The following SHTN1 variants were observed in gnomAD, a reference collection of about 807,000 sequenced individuals.
SHTN1 encodes the protein shootin-1.
In SHTN1, 42 loss-of-function variants were observed where a neutral mutation model predicts 83.1. The observed-to-expected ratio is 0.51, with a 90% CI of 0.39 to 0.65. The LOEUF is 0.65. Among genes scored for constraint, SHTN1 ranks in the 30% least tolerant of loss-of-function variants. The pLI is 0.00. For missense variants in SHTN1, 622 were observed against 737.8 expected (o/e 0.84, Z 1.82); for synonymous variants, 224 against 247.7 (o/e 0.90, Z 0.90).
intron 2 of SHTN1, among the ~76,000 whole-genome samples, chr10:117,048,214 C>T (rs1285477382): frequency 1.3e-5 from 2 of 152,094 alleles, no homozygotes; most frequent in Non-Finnish European, 2.9e-5. Flanking sequence ...GCTCTGTGTG[C>T]TGAGGTAATG....
chr10:116,899,992 G>A (rs1377398968), intron 16 of SHTN1, among the ~76,000 whole-genome samples: 1 of 152,124 alleles, frequency 6.6e-6, no homozygotes, highest in East Asian at 1.9e-4. Flanking sequence ...TCATTAAAAG[G>A]TTTAAACATT....
intron 12 of SHTN1, among the ~76,000 whole-genome samples, chr10:116,919,687 T>A (rs1476883471): frequency 6.6e-6 from 1 of 152,098 alleles, no homozygotes; most frequent in African/African-American, 2.4e-5. Context: ...AATTACAGCA[T>A]CAGGAAACGC....
chr10:117,083,017 A>T (rs1422221805), intron 1 of SHTN1, among the ~76,000 whole-genome samples: 1 of 149,526 alleles, frequency 6.7e-6, no homozygotes, highest in Non-Finnish European at 1.5e-5. Flanking sequence ...TTTTAATTGG[A>T]GCATTTAGTC....
intron 1 of SHTN1, among the ~76,000 whole-genome samples, chr10:117,055,779 G>A (rs1852818588): frequency 6.6e-6 from 1 of 152,156 alleles, no homozygotes; most frequent in Non-Finnish European, 1.5e-5. Flanking sequence ...GACGCAGGAG[G>A]ATCACTTCAA....
At chr10:117,087,358 C>G (rs149986460) in intron 1 of SHTN1, among the ~76,000 whole-genome samples, 2 of 152,258 alleles carry the variant, frequency 1.3e-5, no homozygotes, top group African/African-American at 4.8e-5. Context: ...ATTTCACACA[C>G]AGAAAATGTT....
intron 6 of SHTN1, among the ~76,000 whole-genome samples, chr10:116,951,458 G>T (rs1212553460): frequency 6.6e-6 from 1 of 152,092 alleles, no homozygotes; most frequent in Admixed American, 6.6e-5. Context: ...GAAAGATTCT[G>T]TAAACAACCA....
At chr10:117,027,193 A>AGG (rs35276948) in intron 2 of SHTN1, among the ~76,000 whole-genome samples, 3 of 152,064 alleles carry the variant, frequency 2.0e-5, no homozygotes, top group Non-Finnish European at 2.9e-5. Context: ...CCAACATTGG[A>AGG]GGGGGGGCCT....
chr10:116,906,408 T>C (rs1847974046), intron 15 of SHTN1, among the ~76,000 whole-genome samples: 1 of 152,238 alleles, frequency 6.6e-6, no homozygotes, highest in South Asian at 2.1e-4. Context: ...TATAAATGCC[T>C]GGTTACCTAC....
chr10:116,972,003 C>A (rs1171503735), intron 2 of SHTN1, among the ~76,000 whole-genome samples: 3 of 152,206 alleles, frequency 2.0e-5, no homozygotes, highest in Non-Finnish European at 4.4e-5. Flanking sequence ...ACATCATACA[C>A]AATCACTAAT....
At chr10:117,070,350 C>G (rs1853062227) in intron 1 of SHTN1, among the ~76,000 whole-genome samples, 2 of 152,174 alleles carry the variant, frequency 1.3e-5, no homozygotes, top group Admixed American at 1.3e-4. Context: ...TTTAAAACCA[C>G]AGCCGGAGAT....
At chr10:117,058,953 T>C (rs1852863338) in intron 1 of SHTN1, among the ~76,000 whole-genome samples, 1 of 152,010 alleles carries the variant, frequency 6.6e-6, no homozygotes, top group Non-Finnish European at 1.5e-5. Flanking sequence ...AAAGACAAAG[T>C]AGAATGTGGT....
chr10:116,881,660 C>T lies in SHTN1; in HGVS notation c.*4684G>A, dbSNP rs987434804. 6.5e-6 allele frequency: 10 copies of T among 1,545,348 alleles called. No individual in the cohort carries two copies. Among genetic ancestry groups the T allele is most frequent in the Non-Finnish European group, 8.7e-6 (10 of 1,144,626 alleles). ...AGGAATCAGCCGAAACAGGAGCATC[C>T]TCTGGATAGGGCTGTACACACCCCA... On this transcript the variant is annotated 3_prime_UTR_variant, in exon 17 of 17. Coordinates refer to ENST00000355371, the MANE Select transcript of SHTN1 (RefSeq NM_001127211.3).
At chr10:117,005,237 G>C (rs554073418), upstream of SHTN1, 2 of 1,490,054 alleles carry the variant, frequency 1.3e-6, no homozygotes, top group East Asian at 2.5e-5. Context: ...GAGCGCGCGA[G>C]TGAGATCATC....
chr10:117,057,003 G>A (rs949903460), intron 1 of SHTN1, among the ~76,000 whole-genome samples: 3 of 152,124 alleles, frequency 2.0e-5, no homozygotes, highest in Non-Finnish European at 4.4e-5. Flanking sequence ...GCATAGTACT[G>A]GAAGTTCTAG....
At chr10:116,945,648 C>T (rs1431037093) in intron 7 of SHTN1, among the ~76,000 whole-genome samples, 1 of 152,024 alleles carries the variant, frequency 6.6e-6, no homozygotes, top group Non-Finnish European at 1.5e-5. Context: ...CAAGAGGCAA[C>T]TGGTAAAAAT....
intron 2 of SHTN1, among the ~76,000 whole-genome samples, chr10:117,027,244 T>G (rs1025430368): frequency 8.5e-5 from 13 of 152,138 alleles, no homozygotes; most frequent in Non-Finnish European, 1.6e-4. Flanking sequence ...TTCTCATGAA[T>G]AGTTTAGCAC....
rs765922322 is a variant in SHTN1, at chr10:116,979,300, C to T, written c.67G>A (p.Glu23Lys). Residue 23 changes from glutamate to lysine, a missense_variant, in exon 2 of 17, where the codon GAA becomes AAA. Physicochemically the swap from Glu to Lys is moderately conservative, Grantham distance 56 (BLOSUM62 1). Around this residue, in one of 3 missense-constraint regions of SHTN1, gnomAD observed 383 missense variants for 455.8 expected, o/e 0.84. Transcript: ENST00000355371. ...TTCTCTGCTCTAAGGTCTTCATATT[C>T]GCCTATTGCTAAAAGAAAAAAGGAA... ...ITSLKEQAIG[E>K]YEDLRAENQK... 2.6e-5 allele frequency: 42 copies of T among 1,613,462 alleles called. No homozygotes were observed. Among genetic ancestry groups the T allele is most frequent in the East Asian group, 4.5e-5 (2 of 44,900 alleles).
chr10:117,052,475 T>A (rs188082688), intron 1 of SHTN1, among the ~76,000 whole-genome samples: 3 of 151,904 alleles, frequency 2.0e-5, no homozygotes, highest in Admixed American at 6.6e-5. Flanking sequence ...GCCAAAACAA[T>A]CTTGAATAAG....
intron 3 of SHTN1, among the ~76,000 whole-genome samples, chr10:116,966,823 G>A (rs1424544260): frequency 2.0e-5 from 3 of 152,042 alleles, no homozygotes; most frequent in Admixed American, 6.6e-5. Flanking sequence ...CATATTAACC[G>A]GTAACAATGC....
Sources: allele counts gnomAD v4.1 joint callset (sites outside exome capture counted in the v4.1 genomes callset), GRCh38; gene constraint gnomAD v4.1.1; regional missense constraint gnomAD v4.1.1; transcripts MANE v1.5; gene names NCBI Gene and HGNC (gene_info 2026-07-23, HGNC 2026-07-21).